The following AGMO variants were observed in gnomAD, a reference collection of about 807,000 sequenced individuals.
AGMO encodes glyceryl-ether monooxygenase.
In AGMO, 75 loss-of-function variants were observed where a neutral mutation model predicts 60.2. The observed-to-expected ratio is 1.25, with a 90% CI of 1.03 to 1.51. The LOEUF is 1.51. Among genes scored for constraint, AGMO ranks in the 40% most tolerant of loss-of-function variants. AGMO has a pLI of 0.00. For missense variants in AGMO, 763 were observed against 525.5 expected (o/e 1.45, Z -4.42); for synonymous variants, 261 against 177.1 (o/e 1.47, Z -3.76).
At chr7:15,520,672 C>A (rs189890472) in intron 3 of AGMO, among the ~76,000 whole-genome samples, 282 of 152,228 alleles carry the variant, frequency 1.9e-3, no homozygotes, top group African/African-American at 6.3e-3. Context: ...CACAACATAC[C>A]AGAATTCTCT....
At chr7:15,497,106 G>C (rs116346384) in intron 3 of AGMO, among the ~76,000 whole-genome samples, 1 of 152,138 alleles carries the variant, frequency 6.6e-6, no homozygotes, top group East Asian at 1.9e-4. Flanking sequence ...AGCCCTCACC[G>C]TAGTTCTCCC....
the AGMO span, among the ~76,000 whole-genome samples, chr7:15,167,464 C>T: frequency 5.9e-5 from 9 of 152,130 alleles, no homozygotes; most frequent in Non-Finnish European, 1.0e-4. Flanking sequence ...AAAGAGTAGA[C>T]TGCAACAAAA....
At chr7:15,529,604 T>C (rs368148927) in intron 3 of AGMO, among the ~76,000 whole-genome samples, 1 of 33,228 alleles carries the variant, frequency 3.0e-5, no homozygotes, top group South Asian at 8.2e-4. Flanking sequence ...ACTCTATATA[T>C]AGAGTATATA....
the AGMO span, among the ~76,000 whole-genome samples, chr7:15,183,436 A>T: frequency 6.6e-6 from 1 of 152,196 alleles, no homozygotes; most frequent in South Asian, 2.1e-4. Context: ...ACAAAATGTT[A>T]ATTTTATGCT....
At chr7:15,163,290 T>G in the AGMO span, among the ~76,000 whole-genome samples, 1 of 152,180 alleles carries the variant, frequency 6.6e-6, no homozygotes, top group Non-Finnish European at 1.5e-5. Context: ...TGACTTCCAC[T>G]TTTCCAATTT....
At chr7:15,180,828 G>T in the AGMO span, among the ~76,000 whole-genome samples, 1 of 152,128 alleles carries the variant, frequency 6.6e-6, no homozygotes, top group African/African-American at 2.4e-5. Flanking sequence ...AATTTATAAA[G>T]AAAAGTTTGT....
At chr7:15,442,799 C>G (rs543341904) in intron 3 of AGMO, among the ~76,000 whole-genome samples, 49 of 152,206 alleles carry the variant, frequency 3.2e-4, no homozygotes, top group African/African-American at 1.2e-3. Context: ...CTAAAAAAAC[C>G]TGAGAACCTA....
At chr7:15,358,416 T>G (rs1177941270) in intron 12 of AGMO, 1 of 471,178 alleles carries the variant, frequency 2.1e-6, no homozygotes, top group Non-Finnish European at 4.4e-6. Context: ...ATAATTAGAT[T>G]GCAGAGTTGG....
intron 10 of AGMO, among the ~76,000 whole-genome samples, chr7:15,377,382 A>G (rs1423603260): frequency 3.3e-5 from 5 of 152,052 alleles, no homozygotes; most frequent in African/African-American, 4.8e-5. Context: ...AGTTTCTCAT[A>G]TATTTTTTCA....
At chr7:15,386,211 G>A (rs1296441370) in intron 9 of AGMO, among the ~76,000 whole-genome samples, 1 of 151,726 alleles carries the variant, frequency 6.6e-6, no homozygotes, top group Non-Finnish European at 1.5e-5. Flanking sequence ...AGGTGATCTT[G>A]GCAGTGTAGG....
At chr7:15,209,639 A>G (rs1781532328) in intron 12 of AGMO, among the ~76,000 whole-genome samples, 1 of 152,118 alleles carries the variant, frequency 6.6e-6, no homozygotes, top group Non-Finnish European at 1.5e-5. Context: ...CAGAGATGGG[A>G]CTGCACAAAT....
downstream of AGMO, among the ~76,000 whole-genome samples, chr7:15,197,316 T>C (rs1781144533): frequency 6.6e-6 from 1 of 152,154 alleles, no homozygotes; most frequent in Non-Finnish European, 1.5e-5. Flanking sequence ...AGAATTCCAG[T>C]CAATGATTCT....
intron 12 of AGMO, among the ~76,000 whole-genome samples, chr7:15,337,239 G>A (rs1388850487): frequency 6.6e-6 from 1 of 152,084 alleles, no homozygotes; most frequent in Non-Finnish European, 1.5e-5. Flanking sequence ...AAAATAAAAT[G>A]GTGCCAAAGA....
intron 2 of AGMO, among the ~76,000 whole-genome samples, chr7:15,547,552 T>A (rs561254298): frequency 1.3e-5 from 2 of 151,726 alleles, no homozygotes; most frequent in African/African-American, 4.8e-5. Context: ...AAGAAAGGGG[T>A]GACAGACGCA....
At chr7:15,199,101 G>A (rs1053945007), downstream of AGMO, among the ~76,000 whole-genome samples, 12 of 152,196 alleles carry the variant, frequency 7.9e-5, no homozygotes, top group African/African-American at 2.9e-4. Context: ...AATAAACAAG[G>A]ACACCTTGGA....
intron 3 of AGMO, among the ~76,000 whole-genome samples, chr7:15,448,184 A>C (rs1781755030): frequency 6.6e-6 from 1 of 152,190 alleles, no homozygotes; most frequent in African/African-American, 2.4e-5. Context: ...TCATATGTTG[A>C]AATCCTTACC....
intron 12 of AGMO, among the ~76,000 whole-genome samples, chr7:15,235,929 C>T (rs928959663): frequency 1.3e-5 from 2 of 152,230 alleles, no homozygotes; most frequent in East Asian, 3.9e-4. Flanking sequence ...CCCCACCAAG[C>T]GTGGCTTATT....
At chr7:15,351,427 G>A (rs1321556151) in intron 12 of AGMO, among the ~76,000 whole-genome samples, 1 of 152,088 alleles carries the variant, frequency 6.6e-6, no homozygotes, top group Admixed American at 6.5e-5. Context: ...TGATTCTCAG[G>A]GGTGAGGAGA....
At chr7:15,327,964 C>A (rs1292920779) in intron 12 of AGMO, among the ~76,000 whole-genome samples, 1 of 151,388 alleles carries the variant, frequency 6.6e-6, no homozygotes, top group Non-Finnish European at 1.5e-5. Flanking sequence ...TTGGTTGAGA[C>A]AGGGTCTCAC....
Sources: allele counts gnomAD v4.1 joint callset (sites outside exome capture counted in the v4.1 genomes callset), GRCh38; gene constraint gnomAD v4.1.1; transcripts MANE v1.5; gene names NCBI Gene and HGNC (gene_info 2026-07-23, HGNC 2026-07-21).